CALHM4: variants seen among roughly 807,000 people sequenced by gnomAD.
CALHM4 encodes the protein calcium homeostasis modulator family member 4.
Under a neutral mutation model 13.3 loss-of-function variants are expected in CALHM4, and 16 were observed. That is an observed-to-expected ratio of 1.20 (90% CI 0.81 to 1.82). The LOEUF (loss-of-function observed/expected upper bound fraction) is 1.82, where lower values mean the gene tolerates loss of function less well. CALHM4 is among the 40% of genes most tolerant of loss of function. The pLI is 0.00. For missense variants in CALHM4, 344 were observed against 374.9 expected, an observed-to-expected ratio of 0.92 and a Z score of 0.68; for synonymous variants, 127 against 137.1, an observed-to-expected ratio of 0.93 and a Z score of 0.52.
chr6:116,529,565 G>A (rs1772573009), intron 1 of CALHM4, among the ~76,000 whole-genome samples: 2 of 152,140 alleles, frequency 1.3e-5, no homozygotes, highest in South Asian at 2.1e-4. Context: ...TCCACCATTC[G>A]TATCTGCCTT....
rs12660180 is a variant in CALHM4 at position 116,554,341 on chromosome 6, A to G, written c.548A>G (p.Tyr183Cys). 0.061 allele frequency: 93,303 copies of G among 1,535,486 alleles called. 3,679 individuals are homozygous for G. The highest frequency in any genetic ancestry group is 0.19 in the Admixed American group (9,340 of 49,792). ...GATGAAATAGCTCTTCTGCACAGAT[A>G]CCAGTCACAGGTAAGTTTTTAGAAT... ...VRDEIALLHR[Y>C]QSQMLGWILI... Residue 183 changes from tyrosine to cysteine, a missense_variant, in exon 1 of 2, where the codon TAC (tyrosine) becomes TGC (cysteine). Tyr to Cys is a radical substitution (Grantham distance 194, BLOSUM62 -2). Coordinates refer to ENST00000368596, the MANE Select transcript of CALHM4 (RefSeq NM_001366078.2).
intron 2 of CALHM4, chr6:116,545,409 C>A: frequency 7.1e-7 from 1 of 1,409,132 alleles, no homozygotes; most frequent in Non-Finnish European, 9.7e-7. Context: ...TAAAATCAAT[C>A]AGAAATCACT....
At position 116,557,857 on chromosome 6, in the gene CALHM4, C is replaced by A. The variant is rs747742292; in HGVS notation, c.591C>A (p.Thr197=). 1 of 1,613,894 alleles carries A rather than the reference C, an allele frequency of 6.2e-7. No individual in the cohort carries two copies. The highest frequency in any genetic ancestry group is 1.1e-5 in the South Asian group (1 of 91,046). The change falls in exon 2 of 2, where the codon ACC becomes ACA. Residue 197 remains threonine, a synonymous_variant. Coordinates refer to ENST00000368596, the MANE Select transcript of CALHM4 (RefSeq NM_001366078.2). The part of the protein sequence containing the change: ...MLGWILITLA[T]IAALVSCCVA... ...GTTGGATTTTGATCACCTTGGCAAC[C>A]ATTGCTGCCTTAGTCTCCTGCTGTG...
In CALHM4 at chr6:116,536,245, T is replaced by A. The variant is rs192331788; in HGVS notation, c.-109+7055T>A. 9.8e-5 allele frequency among the ~76,000 whole-genome samples: 15 copies of A among 152,336 alleles called. No homozygotes were observed. The South Asian group carries it at 2.7e-3, about 27-fold the overall frequency. ...TATAATTAACTTGGCATCTTTTTTT[T>A]ATATAAAATGCAAGGTCAACTAAAG... is the stretch of plus-strand genomic sequence containing the variant. On this transcript the variant is annotated intron_variant, in intron 1 of 2. Coordinates refer to the CALHM4 transcript ENST00000368597.
intron 2 of CALHM4, among the ~76,000 whole-genome samples, chr6:116,547,528 G>A (rs1161526211): frequency 6.6e-6 from 1 of 152,150 alleles, no homozygotes; most frequent in African/African-American, 2.4e-5. Flanking sequence ...CAACCTTCAC[G>A]ACCACAGCTG....
chr6:116,536,269 A>T (rs1189735036), intron 1 of CALHM4, among the ~76,000 whole-genome samples: 4 of 152,182 alleles, frequency 2.6e-5, no homozygotes, highest in Admixed American at 2.6e-4. Flanking sequence ...GGTCAACTAA[A>T]GATTTTTGCC....
At position 116,558,428 on chromosome 6, in the gene CALHM4, G is replaced by A. The variant is rs992847073; in HGVS notation, c.*217G>A. The A allele has an allele frequency of 2.2e-5, 11 of 503,974 alleles. 1 individual carries two copies. The highest frequency in any genetic ancestry group is 1.1e-3 in the Middle Eastern group (2 of 1,896). 31.2% of individuals were successfully genotyped at this position (503,974 alleles called of 1,614,324 possible). On this transcript the variant is annotated 3_prime_UTR_variant, in exon 2 of 2. Coordinates refer to ENST00000368596, the MANE Select transcript of CALHM4 (RefSeq NM_001366078.2). ...TGCCAATGGTCTGGTAATGCCTAGAGTGGAATGTGAAGTCACATGGAAATT... is the reference window on the plus strand; with the variant it reads ...TGCCAATGGTCTGGTAATGCCTAGAATGGAATGTGAAGTCACATGGAAATT...
intron 1 of CALHM4, among the ~76,000 whole-genome samples, chr6:116,541,717 G>T (rs1416635022): frequency 8.5e-5 from 13 of 152,156 alleles, no homozygotes; most frequent in Non-Finnish European, 1.6e-4. Flanking sequence ...GTTGTATCAG[G>T]ATTAAAAAAT....
At chr6:116,533,239 GA>G (rs1772849922) in intron 1 of CALHM4, among the ~76,000 whole-genome samples, 1 of 152,216 alleles carries the variant, frequency 6.6e-6, no homozygotes, top group Non-Finnish European at 1.5e-5. Context: ...GAGGGATTGA[GA>G]AAGCGAACAT....
At chr6:116,546,414 A>T (rs773820399) in intron 2 of CALHM4, among the ~76,000 whole-genome samples, 22 of 152,216 alleles carry the variant, frequency 1.4e-4, no homozygotes, top group Non-Finnish European at 2.5e-4. Flanking sequence ...CGGAAAACTC[A>T]GTTTAGGAAA....
intron 1 of CALHM4, chr6:116,540,375 G>A (rs1197565377): frequency 6.4e-7 from 1 of 1,550,804 alleles, no homozygotes; most frequent in African/African-American, 1.4e-5. Context: ...GGGCAATTAT[G>A]TCTATAATTT....
chr6:116,548,600 G>A (rs957656641), intron 2 of CALHM4, among the ~76,000 whole-genome samples: 1 of 152,110 alleles, frequency 6.6e-6, no homozygotes, highest in East Asian at 1.9e-4. Context: ...TGAAAGAATG[G>A]TCTACAATTT....
chr6:116,548,022 G>A (rs138059865), intron 2 of CALHM4, among the ~76,000 whole-genome samples: 3 of 152,134 alleles, frequency 2.0e-5, no homozygotes, highest in African/African-American at 4.8e-5. Flanking sequence ...ATGATCACCC[G>A]CAAACTATCA....
chr6:116,539,994 C>T (rs976937390), intron 1 of CALHM4, among the ~76,000 whole-genome samples: 2 of 152,132 alleles, frequency 1.3e-5, no homozygotes, highest in Non-Finnish European at 2.9e-5. Context: ...TTCTTTGATA[C>T]TACCAAAAAC....
intron 1 of CALHM4, among the ~76,000 whole-genome samples, chr6:116,541,117 T>C (rs1773423451): frequency 6.6e-6 from 1 of 151,746 alleles, no homozygotes; most frequent in Non-Finnish European, 1.5e-5. Flanking sequence ...GCTCTAGTAG[T>C]GCCTGAAGTA....
intron 1 of CALHM4, 50 bp downstream of exon 1, chr6:116,554,401 C>T (rs1354919278): frequency 7.3e-7 from 1 of 1,377,884 alleles, no homozygotes; most frequent in Non-Finnish European, 9.6e-7. Flanking sequence ...TATAGAACTA[C>T]AGTCAATGGA....
chr6:116,538,479 T>C (rs975645776), intron 1 of CALHM4, among the ~76,000 whole-genome samples: 1 of 152,218 alleles, frequency 6.6e-6, no homozygotes, highest in African/African-American at 2.4e-5. Flanking sequence ...AATAAGTGAA[T>C]ACATTAATAA....
chr6:116,560,655 G>T lies in CALHM4; in HGVS notation c.*2444G>T, dbSNP rs931990519. On this transcript the variant is annotated 3_prime_UTR_variant, in exon 2 of 2. Coordinates refer to ENST00000368596, the MANE Select transcript of CALHM4 (RefSeq NM_001366078.2). ...AAATGGAATTTTTAGTATTTTGGGG[G>T]GGGGGGGGGCTATGGTCTATAGCAT... 4.2e-5 allele frequency among the ~76,000 whole-genome samples: 6 copies of T among 141,884 alleles called. No homozygotes were observed. Among genetic ancestry groups the T allele is most frequent in the African/African-American group, 7.7e-5 (3 of 39,132 alleles). 93.1% of individuals were successfully genotyped at this position (141,884 alleles called of 152,430 possible). A position where few individuals can be genotyped will look rare whatever the true frequency, so the allele number is the denominator to read the frequency against.
chr6:116,558,752 G>C lies in CALHM4; in HGVS notation c.*541G>C, dbSNP rs1774458238. 6.6e-6 allele frequency: 1 copy of C among 152,154 alleles called. No individual in the cohort carries two copies. The highest frequency in any genetic ancestry group is 2.4e-5 in the African/African-American group (1 of 41,354). The allele number at this position is 152,154 out of a possible 1,614,324, so 9.4% of individuals were successfully genotyped here. A position where few individuals can be genotyped will look rare whatever the true frequency, so the allele number is the denominator to read the frequency against. ...TTCACAGCCTCCCCCTCTTTCTTCA[G>C]ACCTAAATATCTGACCTTTTGGGAA... On this transcript the variant is annotated 3_prime_UTR_variant, in exon 2 of 2. Coordinates refer to ENST00000368596, the MANE Select transcript of CALHM4 (RefSeq NM_001366078.2).
Sources: allele counts gnomAD v4.1 joint callset (sites outside exome capture counted in the v4.1 genomes callset), GRCh38; gene constraint gnomAD v4.1.1; transcripts MANE v1.5; gene names NCBI Gene and HGNC (gene_info 2026-07-23, HGNC 2026-07-21).